Variants in ERGIC3 observed in about 807,000 individuals in gnomAD.
ERGIC3 encodes ERGIC and golgi 3.
A neutral mutation model predicts 54.7 loss-of-function variants in ERGIC3; 33 were observed. The observed-to-expected ratio is 0.60, with a 90% CI of 0.46 to 0.81. The LOEUF (loss-of-function observed/expected upper bound fraction) is 0.81. Among genes scored for constraint, ERGIC3 ranks in the 30% least tolerant of loss-of-function variants. The pLI, the probability that ERGIC3 is intolerant of heterozygous loss-of-function variation, is 0.00. For synonymous variants in ERGIC3, 186 were observed against 189.8 expected, an observed-to-expected ratio of 0.98 and a Z score of 0.16; for missense variants, 399 against 488.4, an observed-to-expected ratio of 0.82 and a Z score of 1.73.
At chr20:35,555,273 G>A (rs760136157) in intron 8 of ERGIC3, among the ~76,000 whole-genome samples, 198 bp downstream of exon 8, 7 of 152,124 alleles carry the variant, frequency 4.6e-5, no homozygotes, top group Non-Finnish European at 1.0e-4. Context: ...GCAAGATTGG[G>A]GTTGGATAAG....
At chr20:35,546,483 G>A (rs1176865535) in intron 4 of ERGIC3, among the ~76,000 whole-genome samples, 2 of 152,172 alleles carry the variant, frequency 1.3e-5, no homozygotes, top group Non-Finnish European at 2.9e-5. Flanking sequence ...CTTAGAGAGT[G>A]GGAGAGTGAA....
At chr20:35,554,362 C>G (rs368993872) in intron 7 of ERGIC3, 1 of 1,614,096 alleles carries the variant, frequency 6.2e-7, no homozygotes, top group Non-Finnish European at 8.5e-7. Flanking sequence ...CTCCCTCCCC[C>G]ATGCTGCAGT....
chr20:35,553,256 A>G (rs1249063358), intron 7 of ERGIC3, among the ~76,000 whole-genome samples: 1 of 139,714 alleles, frequency 7.2e-6, no homozygotes, highest in Non-Finnish European at 1.5e-5. Context: ...TTGGCCCCCC[A>G]AAATGTTGGG....
rs534066881 is a variant in ERGIC3 at position 35,551,471 on chromosome 20, A to G, written c.685+2606A>G. On this transcript the variant is annotated intron_variant, in intron 7 of 12. Coordinates refer to ENST00000348547, the MANE Select transcript of ERGIC3 (RefSeq NM_015966.3). ...AGGTGTCAAGTAAGTTTTCCATTCAAGCCTGGAGTTCAGGGAGAGGACTTG... is the reference window on the plus strand; with the variant it reads ...AGGTGTCAAGTAAGTTTTCCATTCAGGCCTGGAGTTCAGGGAGAGGACTTG... Among the ~76,000 whole-genome samples the G allele has an allele frequency of 3.9e-5, 6 of 152,308 alleles. No individual in the cohort carries two copies. In the South Asian group the frequency reaches 6.2e-4, roughly 16 times the overall value.
intron 7 of ERGIC3, chr20:35,554,834 C>G: frequency 1.5e-6 from 1 of 655,692 alleles, no homozygotes; most frequent in South Asian, 1.7e-5. Flanking sequence ...AGGGTCTGTT[C>G]TAAAGACTCC....
In ERGIC3 at chr20:35,556,083, A is replaced by C. The variant is rs2146207542; in HGVS notation, c.768A>C (p.Pro256=). The C allele has an allele frequency of 6.2e-7, 1 of 1,614,184 alleles. No individual in the cohort carries two copies. Among genetic ancestry groups the C allele is most frequent in the African/African-American group, 1.3e-5 (1 of 75,046 alleles). Reference sequence around the variant, plus strand: ...ACCTGTCATTTGGGGAGGACTATCCAGGCATTGTGAACCCCCTGGACCACA... The same window carrying C: ...ACCTGTCATTTGGGGAGGACTATCCCGGCATTGTGAACCCCCTGGACCACA... ...IQHLSFGEDY[P]GIVNPLDHTN... Residue 256 remains proline, a synonymous_variant, in exon 9 of 13, where the codon CCA becomes CCC. Coordinates refer to ENST00000348547, the MANE Select transcript of ERGIC3 (RefSeq NM_015966.3).
In ERGIC3 at chr20:35,548,609, A is replaced by G. The variant is rs1406023294; in HGVS notation, c.562A>G (p.Ser188Gly). 1 of 1,614,114 alleles carries G rather than the reference A, an allele frequency of 6.2e-7. No homozygotes were observed. Among genetic ancestry groups the G allele is most frequent in the African/African-American group, 1.3e-5 (1 of 74,948 alleles). Residue 188 changes from serine to glycine, a missense_variant, in exon 6 of 13, where the codon AGC (serine) becomes GGC (glycine). By Grantham distance (56) the Ser-to-Gly change is moderately conservative. Transcript: ENST00000348547. ...TIEQCRREGF[S>G]QKMQEQKNEG... ...TGAGCAGTGCCGGCGAGAGGGCTTC[A>G]GCCAGAAGATGCAGGAGCAGAAGAA...
In ERGIC3 at chr20:35,542,539, G is replaced by C; in HGVS notation, c.186G>C (p.Lys62Asn). The C allele has an allele frequency of 6.2e-7, 1 of 1,613,988 alleles. No homozygotes were observed. Among genetic ancestry groups the C allele is most frequent in the Non-Finnish European group, 8.5e-7 (1 of 1,180,008 alleles). The change falls in exon 3 of 13, where the codon AAG (lysine) becomes AAC (asparagine). Residue 62 changes from lysine to asparagine, a missense_variant. By Grantham distance (94) the Lys-to-Asn change is moderately conservative. Coordinates refer to ENST00000348547, the MANE Select transcript of ERGIC3 (RefSeq NM_015966.3). ...TEVHPELYVD[K>N]SRGDKLKINI... ...TGCATCCTGAGCTCTACGTGGACAAGTCGCGGGGAGATAAACTGAAGATCA... is the reference window on the plus strand; with the variant it reads ...TGCATCCTGAGCTCTACGTGGACAACTCGCGGGGAGATAAACTGAAGATCA...
In ERGIC3 at chr20:35,542,511, A is replaced by G; in HGVS notation, c.160-2A>G. ...AGTCTTACTGAGGTAGCGCTGCCCC[A>G]GGTGCATCCTGAGCTCTACGTGGAC... is the stretch of plus-strand genomic sequence containing the variant. On this transcript the variant is annotated splice_acceptor_variant, in intron 2 of 12. Coordinates refer to ENST00000348547, the MANE Select transcript of ERGIC3 (RefSeq NM_015966.3). LOFTEE classifies it high-confidence loss of function. 2 of 1,614,000 alleles carry G rather than the reference A, an allele frequency of 1.2e-6. No individual in the cohort carries two copies. Among genetic ancestry groups the G allele is most frequent in the Non-Finnish European group, 1.7e-6 (2 of 1,180,000 alleles).
At chr20:35,544,490 C>A in intron 4 of ERGIC3, 1 of 292,436 alleles carries the variant, frequency 3.4e-6, no homozygotes. Context: ...GCTCCTCCTG[C>A]CTCCTCTTAG....
chr20:35,543,077 G>A (rs1404825068), intron 4 of ERGIC3, 136 bp downstream of exon 4: 2 of 1,303,510 alleles, frequency 1.5e-6, no homozygotes, highest in Non-Finnish European at 2.1e-6. Context: ...ACTTGCCTAG[G>A]GTCCCCCAGC....
In ERGIC3 at chr20:35,557,525, GTCTCCTCTT is replaced by G; in HGVS notation, c.*27_*35del. 1 of 1,609,962 alleles carries G rather than the reference GTCTCCTCTT, an allele frequency of 6.2e-7. No homozygotes were observed. The highest frequency in any genetic ancestry group is 1.1e-5 in the South Asian group (1 of 91,012). On this transcript the variant is annotated 3_prime_UTR_variant, in exon 13 of 13. Coordinates refer to ENST00000348547, the MANE Select transcript of ERGIC3 (RefSeq NM_015966.3). ...CGTAGTCACCCTCGGTGCTTCCTCT[GTCTCCTCTT>G]TCTCCCTGGCCTGTGGTTGTCCCCC...
rs534588976 is a variant in ERGIC3, at chr20:35,542,972, C to G, written c.367+31C>G. The G allele has an allele frequency of 1.8e-5, 29 of 1,612,896 alleles. No homozygotes were observed. In the East Asian group the frequency reaches 3.6e-4, roughly 20 times the overall value. ...CAGGGGAGGGGGCCGGGTCTCAGAT[C>G]CCAAAGCTGGATGTACCCAAGCCTA... On this transcript the variant is annotated intron_variant, in intron 4 of 12. Coordinates refer to ENST00000348547, the MANE Select transcript of ERGIC3 (RefSeq NM_015966.3).
At position 35,557,408 on chromosome 20, in the gene ERGIC3, C is replaced by G; in HGVS notation, c.1073-17C>G. ...AGGCCCCCACTGGGCCAGTGCCAGC[C>G]CTTGTCTCTCTCCCAGTGGCTGGAC... On this transcript the variant is annotated splice_polypyrimidine_tract_variant and intron_variant, in intron 12 of 12. Coordinates refer to ENST00000348547, the MANE Select transcript of ERGIC3 (RefSeq NM_015966.3). 2 of 1,613,624 alleles carry G rather than the reference C, an allele frequency of 1.2e-6. No homozygotes were observed. Among genetic ancestry groups the G allele is most frequent in the South Asian group, 1.1e-5 (1 of 91,070 alleles).
chr20:35,553,084 G>A (rs2064690755), intron 7 of ERGIC3, among the ~76,000 whole-genome samples: 1 of 112,096 alleles, frequency 8.9e-6, no homozygotes, highest in Non-Finnish European at 1.7e-5. Flanking sequence ...TTGGCTCACT[G>A]CAGCCTTGAC....
In ERGIC3 at chr20:35,556,038, C is replaced by T. The variant is rs1310166853; in HGVS notation, c.723C>T (p.Asn241=). 6.2e-7 allele frequency: 1 copy of T among 1,613,886 alleles called. No homozygotes were observed. The highest frequency in any genetic ancestry group is 8.5e-7 in the Non-Finnish European group (1 of 1,179,928). ...CTGGATGGTGTTGTTTACAGATCAA[C>T]ATGACCCACTACATCCAGCACCTGT... ...DLQSFGLDNI[N]MTHYIQHLSF... is the part of the protein sequence containing the mutation. Residue 241 remains asparagine, a synonymous_variant, in exon 9 of 13, where the codon AAC becomes AAT. Transcript: ENST00000348547.
At chr20:35,549,809 G>A (rs934668428) in intron 7 of ERGIC3, 1 of 152,198 alleles carries the variant, frequency 6.6e-6, no homozygotes, top group Non-Finnish European at 1.5e-5. Flanking sequence ...GCTAAGTTTT[G>A]TATTTTTAGT....
intron 7 of ERGIC3, chr20:35,554,317 TC>T: frequency 2.5e-6 from 4 of 1,611,402 alleles, no homozygotes; most frequent in Non-Finnish European, 3.4e-6. Context: ...CTCTCATAGT[TC>T]TCATTGTGAA....
chr20:35,550,595 A>T (rs2064676641), intron 7 of ERGIC3, among the ~76,000 whole-genome samples: 1 of 152,124 alleles, frequency 6.6e-6, no homozygotes, highest in Non-Finnish European at 1.5e-5. Flanking sequence ...CAGCCTGGGT[A>T]ACAGAGTGAG....
Sources: allele counts gnomAD v4.1 joint callset (sites outside exome capture counted in the v4.1 genomes callset), GRCh38; gene constraint gnomAD v4.1.1; transcripts MANE v1.5; gene names NCBI Gene and HGNC (gene_info 2026-07-23, HGNC 2026-07-21).